The following GSTCD variants were observed in gnomAD, a reference collection of about 807,000 sequenced individuals.
GSTCD encodes the protein glutathione S-transferase C-terminal domain containing.
Under a neutral mutation model 68.3 loss-of-function variants are expected in GSTCD, and 44 were observed. The ratio of observed to expected loss-of-function variants is 0.64; its 90% CI spans 0.51 to 0.83. The LOEUF is 0.83. GSTCD is among the 40% of genes least tolerant of loss of function. The probability of loss-of-function intolerance (pLI) is 0.00; values close to 1 mark genes in which losing one functional copy is unlikely to be tolerated. For missense variants in GSTCD, 739 were observed against 735.9 expected (o/e 1.00, Z -0.05); for synonymous variants, 273 against 255.2 (o/e 1.07, Z -0.67).
intron 5 of GSTCD, among the ~76,000 whole-genome samples, chr4:105,805,217 T>A (rs577085481): frequency 2.0e-4 from 31 of 152,202 alleles, no homozygotes; most frequent in African/African-American, 7.2e-4. Flanking sequence ...AAGCCAGAAA[T>A]CTCTAAGAAA....
intron 5 of GSTCD, among the ~76,000 whole-genome samples, chr4:105,754,422 A>G (rs1291193223): frequency 1.3e-5 from 2 of 152,208 alleles, no homozygotes; most frequent in African/African-American, 2.4e-5. Context: ...TTAGTTATCA[A>G]TAGTATAATG....
intron 1 of GSTCD, among the ~76,000 whole-genome samples, chr4:105,714,654 A>G (rs1732633039): frequency 6.6e-6 from 1 of 151,668 alleles, no homozygotes; most frequent in Non-Finnish European, 1.5e-5. Flanking sequence ...TTTTTATTCT[A>G]AGATCATTAA....
Position 105,837,864 on chromosome 4 carries a change from A to C in GSTCD, c.1670A>C (p.Gln557Pro). The change falls in exon 10 of 12, where the codon CAA becomes CCA. Residue 557 changes from glutamine (Q) to proline (P), a missense_variant. Gln to Pro is a moderately conservative substitution (Grantham distance 76). Transcript: ENST00000515279. ...TCCTTTTTTTTCTATTTCAGTGAAC[A>C]ATTCAAGAAAACTTTATCATACAAG... The part of the protein sequence containing the change: ...TSKFNFPKSE[Q>P]FKKTLSYKEH... 9.2e-7 allele frequency: 1 copy of C among 1,090,400 alleles called. No homozygotes were observed. Among genetic ancestry groups the C allele is most frequent in the Non-Finnish European group, 1.3e-6 (1 of 746,372 alleles). 67.5% of individuals were successfully genotyped at this position (1,090,400 alleles called of 1,614,324 possible).
At chr4:105,813,776 A>T (rs1333666546) in intron 5 of GSTCD, among the ~76,000 whole-genome samples, 2 of 152,182 alleles carry the variant, frequency 1.3e-5, no homozygotes, top group South Asian at 4.2e-4. Context: ...TCTTCTTTTT[A>T]TTCAAATTTC....
At chr4:105,788,650 C>T (rs1735552853) in intron 5 of GSTCD, among the ~76,000 whole-genome samples, 1 of 151,904 alleles carries the variant, frequency 6.6e-6, no homozygotes. Flanking sequence ...AGATACACAT[C>T]TTTATCACAG....
intron 5 of GSTCD, among the ~76,000 whole-genome samples, chr4:105,730,672 A>T (rs7681455): frequency 0.14 from 20,818 of 151,918 alleles, 2,128 homozygotes; most frequent in African/African-American, 0.29. Context: ...ATGGCAAAAA[A>T]TTTCTCCCAT....
At position 105,743,820 on chromosome 4, in the gene GSTCD, G is replaced by A. The variant is rs1355490993; in HGVS notation, c.1240+14321G>A. Among the ~76,000 whole-genome samples the A allele has an allele frequency of 7.3e-5, 11 of 151,610 alleles. 1 individual carries two copies. The highest frequency in any genetic ancestry group is 5.9e-5 in the Non-Finnish European group (4 of 67,888). On this transcript the variant is annotated intron_variant, in intron 5 of 11. Transcript: ENST00000515279. ...ACTACAGGCGCCCGCCACCACGCCC[G>A]GCTAATTTTTTTTGTATTTTTAGTA...
chr4:105,803,753 G>A, intron 5 of GSTCD, among the ~76,000 whole-genome samples: 1 of 151,786 alleles, frequency 6.6e-6, no homozygotes, highest in East Asian at 1.9e-4. Context: ...AAAACATAAT[G>A]TTGTATGAAA....
At chr4:105,839,972 G>C (rs915594357) in intron 10 of GSTCD, among the ~76,000 whole-genome samples, 5 of 152,126 alleles carry the variant, frequency 3.3e-5, no homozygotes, top group Non-Finnish European at 5.9e-5. Context: ...CCCAAAAGCT[G>C]CTTGGCCTTT....
chr4:105,835,102 C>T (rs1321782509), intron 9 of GSTCD, among the ~76,000 whole-genome samples: 1 of 152,108 alleles, frequency 6.6e-6, no homozygotes, highest in Non-Finnish European at 1.5e-5. Flanking sequence ...TGTGTAAAGC[C>T]TTTAGAAGTG....
Position 105,846,001 on chromosome 4 carries a change from T to G in GSTCD, c.*424T>G, listed in dbSNP as rs1200661107. ...AAAGTAGACTCAGTGGAGTTTTTTG[T>G]TTTTTATATTTTTAACAATTGTACT... On this transcript the variant is annotated 3_prime_UTR_variant, in exon 12 of 12. Coordinates refer to ENST00000515279, the MANE Select transcript of GSTCD (RefSeq NM_001370181.1). 6.3e-6 allele frequency: 1 copy of G among 158,576 alleles called. No homozygotes were observed. The highest frequency in any genetic ancestry group is 1.4e-5 in the Non-Finnish European group (1 of 71,500). The allele number at this position is 158,576 out of a possible 1,614,324, so 9.8% of individuals were successfully genotyped here.
rs1277792673 is a variant in GSTCD, at chr4:105,726,569, T to C, written c.895-10T>C. 6.5e-7 allele frequency: 1 copy of C among 1,526,980 alleles called. No homozygotes were observed. The highest frequency in any genetic ancestry group is 2.0e-5 in the Admixed American group (1 of 49,246). The allele number at this position is 1,526,980 out of a possible 1,614,324, so 94.6% of individuals were successfully genotyped here. A position where few individuals can be genotyped will look rare whatever the true frequency, so the allele number is the denominator to read the frequency against. ...TATATAATAATGTGTTTTATTATTT[T>C]CCTACCTAGGTAATTATCAGCAGGA... On this transcript the variant is annotated splice_polypyrimidine_tract_variant and intron_variant, in intron 3 of 11. Transcript: ENST00000515279.
rs1039975351 is a variant in GSTCD at position 105,771,081 on chromosome 4, G to A, written c.1240+41582G>A. Among the ~76,000 whole-genome samples, 6 of 152,090 alleles carry A rather than the reference G, an allele frequency of 3.9e-5. No homozygotes were observed. The East Asian group carries it at 5.8e-4, about 15-fold the overall frequency. ...TCGCCATTCTAACTGCCATGAGATGGTATCTCATTGTGGTTTTGATTTGAA... is the reference window on the plus strand; with the variant it reads ...TCGCCATTCTAACTGCCATGAGATGATATCTCATTGTGGTTTTGATTTGAA... On this transcript the variant is annotated intron_variant, in intron 5 of 11. Coordinates refer to ENST00000515279, the MANE Select transcript of GSTCD (RefSeq NM_001370181.1).
chr4:105,733,864 T>C (rs1267350064), intron 5 of GSTCD, among the ~76,000 whole-genome samples: 1 of 152,206 alleles, frequency 6.6e-6, no homozygotes, highest in East Asian at 1.9e-4. Flanking sequence ...CTTCAGGAGC[T>C]CTTTTAGGGC....
intron 3 of GSTCD, among the ~76,000 whole-genome samples, chr4:105,723,638 A>G (rs1014810478): frequency 3.3e-5 from 5 of 151,840 alleles, no homozygotes; most frequent in African/African-American, 7.2e-5. Flanking sequence ...CCAATCCTCC[A>G]TGGATACTGA....
intron 5 of GSTCD, among the ~76,000 whole-genome samples, chr4:105,786,345 T>C (rs1011437217): frequency 6.6e-6 from 1 of 152,122 alleles, no homozygotes; most frequent in Admixed American, 6.5e-5. Context: ...ACCCTGTCTC[T>C]ACTAAAAGTA....
intron 5 of GSTCD, among the ~76,000 whole-genome samples, chr4:105,777,652 A>G (rs1300579834): frequency 6.6e-6 from 1 of 152,218 alleles, no homozygotes; most frequent in Non-Finnish European, 1.5e-5. Flanking sequence ...TGAGTCAGAT[A>G]GACCAGACTC....
At chr4:105,718,605 C>T (rs939903725) in intron 2 of GSTCD, among the ~76,000 whole-genome samples, 1 of 152,058 alleles carries the variant, frequency 6.6e-6, no homozygotes, top group African/African-American at 2.4e-5. Flanking sequence ...ATACCCTTTA[C>T]GTGTGTCAAT....
intron 5 of GSTCD, among the ~76,000 whole-genome samples, chr4:105,771,257 T>C (rs554706437): frequency 6.6e-6 from 1 of 152,302 alleles, no homozygotes; most frequent in African/African-American, 2.4e-5. Context: ...TTCTTGTAGA[T>C]TCTGGATATT....
Sources: allele counts gnomAD v4.1 joint callset (sites outside exome capture counted in the v4.1 genomes callset), GRCh38; gene constraint gnomAD v4.1.1; transcripts MANE v1.5; gene names NCBI Gene and HGNC (gene_info 2026-07-23, HGNC 2026-07-21).